The following RALGAPA2 variants were observed in gnomAD, a reference collection of about 807,000 sequenced individuals.
The protein encoded by RALGAPA2 is Ral GTPase activating protein catalytic subunit alpha 2.
Under a neutral mutation model 230.4 loss-of-function variants are expected in RALGAPA2, and 139 were observed. That is an observed-to-expected ratio of 0.60 (90% CI 0.53 to 0.69). The LOEUF (loss-of-function observed/expected upper bound fraction) is 0.69. RALGAPA2 is among the 30% of genes least tolerant of loss of function. RALGAPA2 has a pLI of 0.00. For missense variants in RALGAPA2, 2,163 were observed against 2,276.0 expected (o/e 0.95, Z 1.01); for synonymous variants, 847 against 837.8 (o/e 1.01, Z -0.19).
chr20:20,601,755 T>C lies in RALGAPA2; in HGVS notation c.2130A>G (p.Arg710=). 6.2e-7 allele frequency: 1 copy of C among 1,613,872 alleles called. No individual in the cohort carries two copies. The highest frequency in any genetic ancestry group is 8.5e-7 in the Non-Finnish European group (1 of 1,179,822). The change falls in exon 16 of 40, where the codon CGA becomes CGG. Residue 710 remains arginine, a synonymous_variant. Coordinates refer to ENST00000202677, the MANE Select transcript of RALGAPA2 (RefSeq NM_020343.4). ...RSHPDVTEPM[R]FRSATTSGAP... Reference sequence around the variant, plus strand: ...CTCCAGACGTGGTGGCACTCCTAAATCGCATCGGTTCGGTCACATCTGGGT... The same window carrying C: ...CTCCAGACGTGGTGGCACTCCTAAACCGCATCGGTTCGGTCACATCTGGGT...
chr20:20,655,228 A>G (rs2067546652), intron 3 of RALGAPA2, among the ~76,000 whole-genome samples: 3 of 152,170 alleles, frequency 2.0e-5, no homozygotes, highest in Non-Finnish European at 4.4e-5. Context: ...CTTGAAAAAT[A>G]AAATAAATAT....
At chr20:20,611,129 G>A (rs1048839305) in intron 14 of RALGAPA2, among the ~76,000 whole-genome samples, 186 bp downstream of exon 14, 1 of 152,040 alleles carries the variant, frequency 6.6e-6, no homozygotes, top group Non-Finnish European at 1.5e-5. Flanking sequence ...CAGAGAGGGA[G>A]AAAAGCCTAA....
At chr20:20,414,685 G>A (rs190886901) in intron 37 of RALGAPA2, among the ~76,000 whole-genome samples, 5 of 152,310 alleles carry the variant, frequency 3.3e-5, no homozygotes, top group Admixed American at 3.3e-4. Context: ...CTGATTCAAT[G>A]AATATTTATG....
chr20:20,426,127 G>A (rs1168537041), intron 37 of RALGAPA2, among the ~76,000 whole-genome samples: 1 of 152,114 alleles, frequency 6.6e-6, no homozygotes, highest in East Asian at 1.9e-4. Context: ...TTAATGTTAT[G>A]GAAAGTAGTT....
At chr20:20,667,444 T>A (rs1049559283) in intron 3 of RALGAPA2, among the ~76,000 whole-genome samples, 2 of 152,150 alleles carry the variant, frequency 1.3e-5, no homozygotes, top group Non-Finnish European at 2.9e-5. Flanking sequence ...AGCCATCCAA[T>A]CCAGCATAAC....
chr20:20,534,424 G>T (rs184044925), intron 26 of RALGAPA2, among the ~76,000 whole-genome samples: 38 of 150,182 alleles, frequency 2.5e-4, no homozygotes, highest in Middle Eastern at 3.5e-3. Flanking sequence ...CAGCCTGGGC[G>T]ATAGAGCAAG....
At chr20:20,474,782 T>C (rs1359832888) in intron 36 of RALGAPA2, among the ~76,000 whole-genome samples, 3 of 152,190 alleles carry the variant, frequency 2.0e-5, no homozygotes, top group Admixed American at 6.5e-5. Context: ...AGATGCCTAC[T>C]GGGTATCCAG....
chr20:20,675,941 A>G (rs2068308498), intron 3 of RALGAPA2, among the ~76,000 whole-genome samples: 5 of 152,038 alleles, frequency 3.3e-5, no homozygotes, highest in African/African-American at 1.2e-4. Flanking sequence ...CCTTTTGGAG[A>G]GCAATTCAGC....
chr20:20,708,046 A>G (rs780109991), intron 1 of RALGAPA2, among the ~76,000 whole-genome samples: 1 of 152,148 alleles, frequency 6.6e-6, no homozygotes, highest in Non-Finnish European at 1.5e-5. Context: ...GTGTGAACTG[A>G]TATGTGCTGT....
chr20:20,705,331 C>T (rs541513673), intron 1 of RALGAPA2, among the ~76,000 whole-genome samples: 8 of 152,190 alleles, frequency 5.3e-5, no homozygotes, highest in African/African-American at 1.4e-4. Flanking sequence ...CTCAGCCTCC[C>T]GAGGAGCTGG....
intron 13 of RALGAPA2, among the ~76,000 whole-genome samples, chr20:20,615,249 C>T (rs2066101604): frequency 1.3e-5 from 2 of 151,904 alleles, no homozygotes; most frequent in South Asian, 2.1e-4. Context: ...CAACCTCCGC[C>T]TTCCGGGTTC....
intron 23 of RALGAPA2, among the ~76,000 whole-genome samples, chr20:20,567,121 T>C (rs972209035): frequency 2.0e-5 from 3 of 152,336 alleles, no homozygotes; most frequent in Non-Finnish European, 2.9e-5. Context: ...TGTTAAAAAA[T>C]AGCTCACTTA....
In RALGAPA2 at chr20:20,573,038, C is replaced by T; in HGVS notation, c.2738G>A (p.Ser913Asn). 1.2e-6 allele frequency: 2 copies of T among 1,609,134 alleles called. No homozygotes were observed. The highest frequency in any genetic ancestry group is 1.7e-6 in the Non-Finnish European group (2 of 1,177,680). Residue 913 changes from serine to asparagine, a missense_variant, in exon 21 of 40, where the codon AGT becomes AAT. Physicochemically the swap from Ser to Asn is conservative, Grantham distance 46. Transcript: ENST00000202677. ...AGTGAGGCTCCCCCCGGCGATTATA[C>T]TACAGTCATCTGTGAGGCACTCGCT... The part of the protein sequence containing the change: ...DSSECLTDDC[S>N]IIAGGSLTGW...
chr20:20,640,452 T>C (rs1332004502), intron 6 of RALGAPA2, among the ~76,000 whole-genome samples: 1 of 152,246 alleles, frequency 6.6e-6, no homozygotes, highest in Non-Finnish European at 1.5e-5. Flanking sequence ...TTCGTGCTAC[T>C]GCCAACATCT....
In RALGAPA2 at chr20:20,616,082, C is replaced by T; in HGVS notation, c.1649G>A (p.Arg550Lys). The T allele has an allele frequency of 1.9e-6, 3 of 1,552,020 alleles. No homozygotes were observed. Among genetic ancestry groups the T allele is most frequent in the Non-Finnish European group, 2.6e-6 (3 of 1,148,172 alleles). The change falls in exon 13 of 40, where the codon AGG (arginine) becomes AAG (lysine). Residue 550 changes from arginine (R) to lysine (K), a missense_variant. Coordinates refer to ENST00000202677, the MANE Select transcript of RALGAPA2 (RefSeq NM_020343.4). ...DACKAVLIIF[R>K]RMIMELTMNK... ...CATTGTAAGCTCCATTATCATGCGC[C>T]TAAAAATAATCAAAACAGCTTTACA...
chr20:20,529,468 T>C (rs776204283), intron 27 of RALGAPA2, among the ~76,000 whole-genome samples: 1 of 152,202 alleles, frequency 6.6e-6, no homozygotes, highest in Non-Finnish European at 1.5e-5. Context: ...TCCTATACTA[T>C]ATAGAAATAT....
At chr20:20,644,171 C>T (rs1021230524) in intron 4 of RALGAPA2, among the ~76,000 whole-genome samples, 5 of 152,146 alleles carry the variant, frequency 3.3e-5, no homozygotes, top group African/African-American at 1.2e-4. Flanking sequence ...ATGGAGATGG[C>T]AACCCCACCT....
chr20:20,503,358 G>T lies in RALGAPA2; in HGVS notation c.5201C>A (p.Thr1734Asn), dbSNP rs1391864216. 8.8e-6 allele frequency: 14 copies of T among 1,586,290 alleles called. 1 individual carries two copies. Among genetic ancestry groups the T allele is most frequent in the Non-Finnish European group, 1.1e-5 (13 of 1,162,784 alleles). Residue 1734 changes from threonine to asparagine, a missense_variant, in exon 35 of 40, where the codon ACC (threonine) becomes AAC (asparagine). Transcript: ENST00000202677. ...CCCGAGGAGACCCCTTACCTTTTTG[G>T]TGAGGGAATCATCTGAGTCTGACGG... ...RMPSDSDDSLTKKLRHLGNDE... is the reference protein window; with the variant it reads ...RMPSDSDDSLNKKLRHLGNDE...
chr20:20,442,361 C>G (rs1316260486), intron 37 of RALGAPA2, among the ~76,000 whole-genome samples: 1 of 152,262 alleles, frequency 6.6e-6, no homozygotes, highest in African/African-American at 2.4e-5. Flanking sequence ...GGCATCTTCA[C>G]TCCGCTCTCT....
Sources: allele counts gnomAD v4.1 joint callset (sites outside exome capture counted in the v4.1 genomes callset), GRCh38; gene constraint gnomAD v4.1.1; transcripts MANE v1.5; gene names NCBI Gene and HGNC (gene_info 2026-07-23, HGNC 2026-07-21).